Variants in CYS1 observed in about 807,000 individuals in gnomAD.
CYS1 encodes cystin 1, also known as cystin-1.
CYS1 carries 5 observed loss-of-function variants against 9.6 expected under a neutral mutation model. The observed-to-expected ratio is 0.52, with a 90% CI of 0.27 to 1.10. The LOEUF is 1.10. CYS1 is among the 50% of genes least tolerant of loss of function. The probability of loss-of-function intolerance (pLI) is 0.11; values close to 1 mark genes in which losing one functional copy is unlikely to be tolerated. For synonymous variants in CYS1, 88 were observed against 95.7 expected (o/e 0.92, Z 0.47); for missense variants, 221 against 207.9 (o/e 1.06, Z -0.39).
rs1661572971 is a variant in CYS1 at position 10,057,906 on chromosome 2, C to T, written c.*947G>A. The T allele has an allele frequency of 6.6e-6, 1 of 152,332 alleles. No homozygotes were observed. The highest frequency in any genetic ancestry group is 1.5e-5 in the Non-Finnish European group (1 of 68,118). 9.4% of individuals were successfully genotyped at this position (152,332 alleles called of 1,614,324 possible). ...TGTCAACCAGGAACATTCCAAGGCT[C>T]TTCCTGCCTCACTGCTGTGGTTTCC... On this transcript the variant is annotated 3_prime_UTR_variant, in exon 3 of 3. Coordinates refer to ENST00000381813, the MANE Select transcript of CYS1 (RefSeq NM_001037160.3).
intron 2 of CYS1, among the ~76,000 whole-genome samples, chr2:10,062,604 T>C (rs941003552): frequency 6.6e-6 from 1 of 152,174 alleles, no homozygotes; most frequent in Non-Finnish European, 1.5e-5. Context: ...GGTTTCACCA[T>C]GTTGGCCAGG....
Position 10,063,972 on chromosome 2 carries a change from C to T in CYS1, c.371+1932G>A, listed in dbSNP as rs1031541103. ...GTGCAGTGGCTCACGCCCATAATCC[C>T]AGCACTTTGGGAGGCCAAGGTGGGC... On this transcript the variant is annotated intron_variant, in intron 2 of 2. Coordinates refer to ENST00000381813, the MANE Select transcript of CYS1 (RefSeq NM_001037160.3). This position sits in a 1 kb window ranked among gnomAD's most constrained non-coding sequence, Gnocchi z 4.2. 1.3e-5 allele frequency among the ~76,000 whole-genome samples: 2 copies of T among 152,222 alleles called. No individual in the cohort carries two copies. The highest frequency in any genetic ancestry group is 4.8e-5 in the African/African-American group (2 of 41,450).
intron 1 of CYS1, among the ~76,000 whole-genome samples, chr2:10,077,461 C>T (rs1661859395): frequency 6.6e-6 from 1 of 152,210 alleles, no homozygotes; most frequent in Non-Finnish European, 1.5e-5. Flanking sequence ...TATGTCTCTC[C>T]TCCAAAATGC....
chr2:10,057,038 AT>A lies in CYS1; in HGVS notation c.*1814del, dbSNP rs1178877500. 1 of 152,260 alleles carries A rather than the reference AT, an allele frequency of 6.6e-6. No homozygotes were observed. Among genetic ancestry groups the A allele is most frequent in the African/African-American group, 2.4e-5 (1 of 41,472 alleles). The allele number at this position is 152,260 out of a possible 1,614,324, so 9.4% of individuals were successfully genotyped here. A position where few individuals can be genotyped will look rare whatever the true frequency, so the allele number is the denominator to read the frequency against. ...CTAACACTTTGATCTCATTAAGGGT[AT>A]TACACCTTTTCCACCAGAAAATGCA... On this transcript the variant is annotated 3_prime_UTR_variant, in exon 3 of 3. Transcript: ENST00000381813.
chr2:10,073,657 T>C (rs1432306050), intron 1 of CYS1, among the ~76,000 whole-genome samples: 1 of 152,192 alleles, frequency 6.6e-6, no homozygotes, highest in African/African-American at 2.4e-5. Flanking sequence ...AGGGCCTGTG[T>C]TGTGCACAAA....
Position 10,080,305 on chromosome 2 carries a change from CCGGGGCGGGCTGCAGGGGGAGGCG to C in CYS1, c.-106_-83del, listed in dbSNP as rs1661930625. On this transcript the variant is annotated 5_prime_UTR_variant, in exon 1 of 3. Transcript: ENST00000381813. This position sits in a 1 kb window ranked among gnomAD's most constrained non-coding sequence, Gnocchi z 6.4. ...GGGGCGGGGACGCTAGGGGGTGCGG[CCGGGGCGGGCTGCAGGGGGAGGCG>C]CGGGGCGAGGTCCGGGAAGCGACCG... 4.0e-5 allele frequency: 35 copies of C among 874,326 alleles called. No individual in the cohort carries two copies. The highest frequency in any genetic ancestry group is 4.5e-5 in the Non-Finnish European group (33 of 726,492). 54.2% of individuals were successfully genotyped at this position (874,326 alleles called of 1,614,324 possible). A position where few individuals can be genotyped will look rare whatever the true frequency, so the allele number is the denominator to read the frequency against.
intron 1 of CYS1, among the ~76,000 whole-genome samples, chr2:10,069,509 C>G (rs1661737221): frequency 1.3e-5 from 2 of 152,008 alleles, no homozygotes; most frequent in Admixed American, 1.3e-4. Flanking sequence ...GCTGGGACCA[C>G]AGGTGCGTGC....
chr2:10,079,292 G>A (rs1417237959), intron 1 of CYS1, among the ~76,000 whole-genome samples: 1 of 152,160 alleles, frequency 6.6e-6, no homozygotes, highest in Non-Finnish European at 1.5e-5. Flanking sequence ...GAGGCCCTTG[G>A]CATCCTCCCC....
intron 1 of CYS1, among the ~76,000 whole-genome samples, chr2:10,074,026 A>G (rs566852896): frequency 6.6e-6 from 1 of 152,212 alleles, no homozygotes; most frequent in Non-Finnish European, 1.5e-5. Context: ...TACTCTTTTT[A>G]TAGAACTCCA....
intron 1 of CYS1, among the ~76,000 whole-genome samples, chr2:10,071,564 T>C (rs1339473271): frequency 6.6e-6 from 1 of 152,258 alleles, no homozygotes; most frequent in African/African-American, 2.4e-5. Flanking sequence ...TGTTTTCACC[T>C]GTGTTTTTCT....
At position 10,056,511 on chromosome 2, in the gene CYS1, G is replaced by A. The variant is rs571773577; in HGVS notation, c.*2342C>T. ...AAGATTTTTCCAGACAACAACGTGC[G>A]TCATTTTTGCCTTTGAGATGTGTTT... On this transcript the variant is annotated 3_prime_UTR_variant, in exon 3 of 3. Transcript: ENST00000381813. 5.9e-5 allele frequency among the ~76,000 whole-genome samples: 9 copies of A among 152,358 alleles called. No homozygotes were observed. The South Asian group carries it at 1.2e-3, about 21-fold the overall frequency.
intron 1 of CYS1, among the ~76,000 whole-genome samples, chr2:10,079,521 C>CCGGT (rs989243243): frequency 6.6e-6 from 1 of 152,184 alleles, no homozygotes; most frequent in Non-Finnish European, 1.5e-5. Flanking sequence ...AGGATCTGGA[C>CCGGT]CGGTGGGCGC....
intron 1 of CYS1, among the ~76,000 whole-genome samples, chr2:10,067,483 C>T (rs1003808649): frequency 1.4e-5 from 2 of 145,986 alleles, no homozygotes; most frequent in South Asian, 4.3e-4. Flanking sequence ...TCATAGTTCA[C>T]TGCAGCCTCC....
At chr2:10,061,829 C>T (rs531223660) in intron 2 of CYS1, among the ~76,000 whole-genome samples, 1 of 152,166 alleles carries the variant, frequency 6.6e-6, no homozygotes. Context: ...CTTAGAGAGC[C>T]AGGTGGGGCC....
intron 1 of CYS1, among the ~76,000 whole-genome samples, chr2:10,070,582 G>C (rs926911074): frequency 2.6e-5 from 4 of 152,122 alleles, no homozygotes; most frequent in African/African-American, 9.7e-5. Context: ...CTGACCTCAA[G>C]TGATCCACTC....
chr2:10,074,800 T>C lies in CYS1; in HGVS notation c.318+5106A>G, dbSNP rs199867543. Among the ~76,000 whole-genome samples, 6 of 152,274 alleles carry C rather than the reference T, an allele frequency of 3.9e-5. No individual in the cohort carries two copies. The East Asian group carries it at 9.7e-4, about 24-fold the overall frequency. Reference sequence around the variant, plus strand: ...CGACATCACCTGGCTGAATGGCACATAAACTCCAGGCTGTTCAAAAGCACT... The same window carrying C: ...CGACATCACCTGGCTGAATGGCACACAAACTCCAGGCTGTTCAAAAGCACT... On this transcript the variant is annotated intron_variant, in intron 1 of 2. Coordinates refer to ENST00000381813, the MANE Select transcript of CYS1 (RefSeq NM_001037160.3).
chr2:10,080,272 C>CGCGGCCGGGGGCGGGGACGCTAGGGGGT lies in CYS1; in HGVS notation c.-77_-50dup, dbSNP rs1661929596. The CGCGGCCGGGGGCGGGGACGCTAGGGGGT allele has an allele frequency of 2.0e-6, 2 of 1,009,722 alleles. No homozygotes were observed. Among genetic ancestry groups the CGCGGCCGGGGGCGGGGACGCTAGGGGGT allele is most frequent in the Non-Finnish European group, 2.4e-6 (2 of 845,136 alleles). 62.5% of individuals were successfully genotyped at this position (1,009,722 alleles called of 1,614,324 possible). On this transcript the variant is annotated 5_prime_UTR_variant, in exon 1 of 3. Coordinates refer to ENST00000381813, the MANE Select transcript of CYS1 (RefSeq NM_001037160.3). The surrounding 1 kb of genome is among the most constrained non-coding windows in gnomAD (Gnocchi z 6.4). Reference sequence around the variant, plus strand: ...CGCCGAGGGGGCCCCCATGAGGGGGCGCGGCCGGGGGCGGGGACGCTAGGG... The same window carrying CGCGGCCGGGGGCGGGGACGCTAGGGGGT: ...CGCCGAGGGGGCCCCCATGAGGGGGCGCGGCCGGGGGCGGGGACGCTAGGGGGTGCGGCCGGGGGCGGGGACGCTAGGG...
In CYS1 at chr2:10,075,770, T is replaced by C. The variant is rs147852941; in HGVS notation, c.318+4136A>G. 4.2e-3 allele frequency among the ~76,000 whole-genome samples: 640 copies of C among 152,304 alleles called. 6 individuals carry two copies. The highest frequency in any genetic ancestry group is 0.014 in the African/African-American group (590 of 41,556). On this transcript the variant is annotated intron_variant, in intron 1 of 2. Coordinates refer to ENST00000381813, the MANE Select transcript of CYS1 (RefSeq NM_001037160.3). ...GTCCCTCAGCCTAAGGAGAGGACAC[T>C]ATTGCCCGAGACTCTCTTGCAAAAC...
intron 1 of CYS1, among the ~76,000 whole-genome samples, chr2:10,068,544 G>C (rs1007325177): frequency 3.9e-5 from 6 of 152,186 alleles, no homozygotes; most frequent in African/African-American, 1.4e-4. Context: ...TGGACCACCA[G>C]GTGATGAGAA....
Sources: gnomAD v4.1 joint callset for allele counts (sites outside exome capture counted in the v4.1 genomes callset) on GRCh38, gnomAD v4.1.1 for gene constraint, Gnocchi (gnomAD v3.1) non-coding constraint, MANE v1.5 for transcripts, NCBI Gene and HGNC (gene_info 2026-07-23, HGNC 2026-07-21) for gene names.